YIF1B: variants seen among roughly 807,000 people sequenced by gnomAD.
The protein encoded by YIF1B is protein YIF1B.
Under a neutral mutation model 34.6 loss-of-function variants are expected in YIF1B, and 24 were observed. The ratio of observed to expected loss-of-function variants is 0.69; its 90% CI spans 0.50 to 0.98. The LOEUF (loss-of-function observed/expected upper bound fraction) is 0.98. Among genes scored for constraint, YIF1B ranks in the 50% least tolerant of loss-of-function variants. The probability of loss-of-function intolerance (pLI) is 0.00; values close to 1 mark genes in which losing one functional copy is unlikely to be tolerated. For synonymous variants in YIF1B, 186 were observed against 184.8 expected, an observed-to-expected ratio of 1.01 and a Z score of -0.05; for missense variants, 368 against 429.4, an observed-to-expected ratio of 0.86 and a Z score of 1.26.
intron 1 of YIF1B, among the ~76,000 whole-genome samples, chr19:38,311,344 G>A (rs1969320156): frequency 6.6e-6 from 1 of 152,076 alleles, no homozygotes; most frequent in South Asian, 2.1e-4. Context: ...ATTTACAGGT[G>A]TGGAAACCAA....
At chr19:38,308,934 G>A (rs748170618) in intron 4 of YIF1B, 45 bp downstream of exon 4, 1 of 1,612,934 alleles carries the variant, frequency 6.2e-7, no homozygotes, top group South Asian at 1.1e-5. Context: ...GCTCCATATA[G>A]GCCCGGAAGA....
rs1316515627 is a variant in YIF1B at position 38,310,195 on chromosome 19, TCCATCCATCCATCCACCTATCCAA to T, written c.59-576_59-553del. On this transcript the variant is annotated intron_variant, in intron 1 of 7. Transcript: ENST00000339413. ...ATCCATTCATCCATCCACCCATCCATCCATCCATCCATCCACCTATCCAACCATCCATCCATCCACCACCCATCT... is the reference window on the plus strand; with the variant it reads ...ATCCATTCATCCATCCACCCATCCATCCATCCATCCATCCACCACCCATCT... Among the ~76,000 whole-genome samples the T allele has an allele frequency of 1.3e-4, 18 of 137,662 alleles. 1 individual carries two copies. Among genetic ancestry groups the T allele is most frequent in the Non-Finnish European group, 2.6e-4 (17 of 64,438 alleles). The allele number at this position is 137,662 out of a possible 152,430, so 90.3% of individuals were successfully genotyped here.
At chr19:38,318,142 G>T (rs1053310995), upstream of YIF1B, among the ~76,000 whole-genome samples, 1 of 132,916 alleles carries the variant, frequency 7.5e-6, no homozygotes, top group Non-Finnish European at 1.6e-5. Context: ...GCAGCGAGCC[G>T]AGATTGTGCC....
intron 7 of YIF1B, among the ~76,000 whole-genome samples, chr19:38,306,054 T>C (rs953746040): frequency 6.6e-6 from 1 of 151,628 alleles, no homozygotes; most frequent in Non-Finnish European, 1.5e-5. Context: ...ATACAAAAAT[T>C]AGCTGGGCGT....
At chr19:38,317,920 G>T (rs1031419371), upstream of YIF1B, among the ~76,000 whole-genome samples, 1 of 151,692 alleles carries the variant, frequency 6.6e-6, no homozygotes, top group Non-Finnish European at 1.5e-5. Flanking sequence ...GTACTGCCAA[G>T]TGCAGCGGAT....
intron 1 of YIF1B, among the ~76,000 whole-genome samples, chr19:38,310,172 C>T (rs192602521): frequency 6.7e-5 from 10 of 148,692 alleles, no homozygotes; most frequent in African/African-American, 2.6e-4. Context: ...ATCAATCCAT[C>T]CATTCATCCA....
rs1427268360 is a variant in YIF1B at position 38,315,856 on chromosome 19, G to A, written c.58+4C>T. 4.8e-6 allele frequency: 7 copies of A among 1,456,476 alleles called. No homozygotes were observed. In the Middle Eastern group the frequency reaches 7.4e-4, roughly 154 times the overall value. 90.2% of individuals were successfully genotyped at this position (1,456,476 alleles called of 1,614,324 possible). A position where few individuals can be genotyped will look rare whatever the true frequency, so the allele number is the denominator to read the frequency against. ...CCGCCCGATCTCCTCCGCCGGCCAC[G>A]TACGCCACTTACGCAGCCGGGGCGT... On this transcript the variant is annotated splice_donor_region_variant and intron_variant, in intron 1 of 7. Transcript: ENST00000339413.
intron 1 of YIF1B, among the ~76,000 whole-genome samples, chr19:38,310,482 C>G (rs1159953517): frequency 1.1e-4 from 16 of 149,492 alleles, no homozygotes. Flanking sequence ...ATCCATCCAT[C>G]CATCATCATC....
chr19:38,318,409 G>A (rs1048988344), upstream of YIF1B, among the ~76,000 whole-genome samples: 10 of 151,846 alleles, frequency 6.6e-5, no homozygotes, highest in Non-Finnish European at 1.2e-4. Context: ...TCAGCCTCCC[G>A]AGTAGCTGGG....
intron 7 of YIF1B, among the ~76,000 whole-genome samples, chr19:38,305,766 T>C (rs1216799056): frequency 2.0e-5 from 3 of 152,174 alleles, no homozygotes; most frequent in African/African-American, 7.2e-5. Flanking sequence ...AGGCAAGGTC[T>C]TGGAGCGGGT....
chr19:38,304,599 G>A lies in YIF1B; in HGVS notation c.*753C>T, dbSNP rs570266275. ...TTCAGGGGGCTGGGTAAGGGGCGCCGCCTCACTGCCGCACCTCCATCCAGC... is the reference window on the plus strand; with the variant it reads ...TTCAGGGGGCTGGGTAAGGGGCGCCACCTCACTGCCGCACCTCCATCCAGC... On this transcript the variant is annotated 3_prime_UTR_variant, in exon 8 of 8. Transcript: ENST00000339413. The A allele has an allele frequency of 3.9e-5, 63 of 1,612,954 alleles. No homozygotes were observed. In the East Asian group the frequency reaches 1.0e-3, roughly 26 times the overall value.
upstream of YIF1B, among the ~76,000 whole-genome samples, chr19:38,318,378 A>T (rs1461717061): frequency 1.3e-5 from 2 of 151,710 alleles, no homozygotes; most frequent in Admixed American, 1.3e-4. Flanking sequence ...CTAATTCCTG[A>T]GCTCAAACGA....
intron 7 of YIF1B, among the ~76,000 whole-genome samples, chr19:38,305,865 A>G (rs370032085): frequency 2.2e-4 from 33 of 152,284 alleles, no homozygotes; most frequent in African/African-American, 7.9e-4. Context: ...CCACACGGCA[A>G]TTTCTGAAGA....
intron 1 of YIF1B, among the ~76,000 whole-genome samples, chr19:38,311,836 C>T (rs1969338354): frequency 6.6e-6 from 1 of 152,186 alleles, no homozygotes; most frequent in African/African-American, 2.4e-5. Flanking sequence ...CAGTGGCTTA[C>T]GCCTGTAATC....
chr19:38,317,123 C>T (rs1969576534), upstream of YIF1B: 1 of 152,312 alleles, frequency 6.6e-6, no homozygotes, highest in Non-Finnish European at 1.5e-5. Context: ...ATTCTACAAC[C>T]CCCAGCAACT....
At chr19:38,307,171 G>A in intron 7 of YIF1B, 1 of 542,530 alleles carries the variant, frequency 1.8e-6, no homozygotes, top group South Asian at 2.0e-5. Context: ...GAATGAGAGT[G>A]AGAGCCCAGC....
chr19:38,306,829 A>T (rs961598655), intron 7 of YIF1B: 15 of 373,820 alleles, frequency 4.0e-5, no homozygotes, highest in Non-Finnish European at 2.7e-5. Context: ...CTACAGGCAC[A>T]CACCACCACA....
upstream of YIF1B, among the ~76,000 whole-genome samples, chr19:38,321,634 G>A (rs1391624697): frequency 6.6e-6 from 1 of 152,244 alleles, no homozygotes; most frequent in African/African-American, 2.4e-5. Flanking sequence ...GTTGAGGAGA[G>A]GAGGCTGGTG....
chr19:38,309,640 G>A lies in YIF1B; in HGVS notation c.62C>T (p.Ser21Leu), dbSNP rs201521360. The A allele has an allele frequency of 1.1e-5, 18 of 1,597,530 alleles. No individual in the cohort carries two copies. The highest frequency in any genetic ancestry group is 5.3e-5 in the African/African-American group (4 of 74,900). The stretch of plus-strand genomic sequence containing the variant: ...CTGGGACACAGGGATCCTCCGCTTC[G>A]AGGCTGCAAGGGAAGAGAGTGAGAA... ...AGTPRLRKWP[S>L]KRRIPVSQPG... Residue 21 changes from serine to leucine, a missense_variant, in exon 2 of 8, where the codon TCG becomes TTG. This residue lies in a region of YIF1B where 153 missense variants were observed against 156.7 expected (regional missense o/e 0.98). Coordinates refer to ENST00000339413, the MANE Select transcript of YIF1B (RefSeq NM_001039672.3).
Sources: gnomAD v4.1 joint callset for allele counts (sites outside exome capture counted in the v4.1 genomes callset) on GRCh38, gnomAD v4.1.1 for gene constraint, gnomAD v4.1.1 regional missense constraint, MANE v1.5 for transcripts, NCBI Gene and HGNC (gene_info 2026-07-23, HGNC 2026-07-21) for gene names.